The following TRPS1 variants were observed in gnomAD, a reference collection of about 807,000 sequenced individuals.
The protein encoded by TRPS1 is transcriptional repressor GATA binding 1, also known as zinc finger transcription factor Trps1.
Under a neutral mutation model 101.2 loss-of-function variants are expected in TRPS1, and 6 were observed. The ratio of observed to expected loss-of-function variants is 0.06; its 90% CI spans 0.03 to 0.12. The LOEUF (loss-of-function observed/expected upper bound fraction) is 0.12, where lower values mean the gene tolerates loss of function less well. Among genes scored for constraint, TRPS1 ranks in the 10% least tolerant of loss-of-function variants. The pLI is 1.00. For synonymous variants in TRPS1, 578 were observed against 589.8 expected (o/e 0.98, Z 0.29); for missense variants, 1,363 against 1,567.0 (o/e 0.87, Z 2.20).
At chr8:115,549,756 G>T (rs1392247491) in intron 5 of TRPS1, among the ~76,000 whole-genome samples, 1 of 151,034 alleles carries the variant, frequency 6.6e-6, no homozygotes, top group Non-Finnish European at 1.5e-5. Flanking sequence ...GAGTAAATTA[G>T]AGTTTTACTG....
chr8:115,501,980 A>C (rs1815330394), intron 5 of TRPS1, among the ~76,000 whole-genome samples: 2 of 151,842 alleles, frequency 1.3e-5, no homozygotes, highest in Non-Finnish European at 2.9e-5. Flanking sequence ...CCTGCTTGAC[A>C]TTTTCCATGA....
At chr8:115,461,904 C>A (rs1360359413) in intron 5 of TRPS1, among the ~76,000 whole-genome samples, 2 of 151,972 alleles carry the variant, frequency 1.3e-5, no homozygotes, top group Admixed American at 1.3e-4. Context: ...AAAGTAAAAT[C>A]TAACAAATTC....
At chr8:115,550,646 G>C (rs1012644773) in intron 5 of TRPS1, among the ~76,000 whole-genome samples, 1 of 152,220 alleles carries the variant, frequency 6.6e-6, no homozygotes, top group Non-Finnish European at 1.5e-5. Flanking sequence ...CAAGCCAGGA[G>C]AGGACCTATC....
At chr8:115,473,220 C>T (rs1161596237) in intron 5 of TRPS1, among the ~76,000 whole-genome samples, 1 of 152,218 alleles carries the variant, frequency 6.6e-6, no homozygotes, top group Non-Finnish European at 1.5e-5. Context: ...CATAGTTCCA[C>T]ATGGCTGGGA....
At chr8:115,582,852 A>G (rs1438803591) in intron 5 of TRPS1, among the ~76,000 whole-genome samples, 1 of 152,218 alleles carries the variant, frequency 6.6e-6, no homozygotes, top group Non-Finnish European at 1.5e-5. Context: ...TAGCTGCAAG[A>G]AAAAAGTGCT....
At position 115,604,816 on chromosome 8, in the gene TRPS1, C is replaced by T. The variant is rs779974889; in HGVS notation, c.1153G>A (p.Ala385Thr). Residue 385 changes from alanine to threonine, a missense_variant, in exon 4 of 7, where the codon GCA becomes ACA. Ala to Thr is a moderately conservative substitution (Grantham distance 58). This residue lies in a region of TRPS1 where 1,020 missense variants were observed against 1,073.0 expected (regional missense o/e 0.95). Transcript: ENST00000395715. The surrounding 1 kb of genome is among the most constrained non-coding windows in gnomAD (Gnocchi z 4.1). ...TTAGAGTTTTTCTCTGAAGGTTTTGCAACCTCAGAGGAGGGGAGAGAAGCT... is the reference window on the plus strand; with the variant it reads ...TTAGAGTTTTTCTCTGAAGGTTTTGTAACCTCAGAGGAGGGGAGAGAAGCT... ...IKASLPSSEV[A>T]KPSEKNSNKS... The T allele has an allele frequency of 1.9e-6, 3 of 1,614,008 alleles. No individual in the cohort carries two copies. The highest frequency in any genetic ancestry group is 2.5e-6 in the Non-Finnish European group (3 of 1,179,972).
intron 5 of TRPS1, among the ~76,000 whole-genome samples, chr8:115,442,787 C>G (rs1453524306): frequency 6.6e-6 from 1 of 151,400 alleles, no homozygotes. Context: ...CATGGTGAAA[C>G]CCTGTCTCTA....
At chr8:115,583,848 T>C (rs942080405) in intron 5 of TRPS1, among the ~76,000 whole-genome samples, 7 of 151,946 alleles carry the variant, frequency 4.6e-5, no homozygotes, top group Admixed American at 2.0e-4. Context: ...AAAATATACA[T>C]AAATGATATC....
chr8:115,455,633 C>T (rs2129946621), intron 5 of TRPS1, among the ~76,000 whole-genome samples: 1 of 152,246 alleles, frequency 6.6e-6, no homozygotes, highest in South Asian at 2.1e-4. Flanking sequence ...GATTTTGAAA[C>T]AGAGCTGAAA....
At chr8:115,457,001 A>G (rs1012539636) in intron 5 of TRPS1, among the ~76,000 whole-genome samples, 2 of 152,324 alleles carry the variant, frequency 1.3e-5, no homozygotes, top group Admixed American at 6.5e-5. Flanking sequence ...TGAGCTAAGG[A>G]CAGGGCAGGG....
At chr8:115,478,287 G>A (rs1033154820) in intron 5 of TRPS1, among the ~76,000 whole-genome samples, 2 of 151,992 alleles carry the variant, frequency 1.3e-5, no homozygotes, top group East Asian at 3.9e-4. Context: ...TATGCTTATC[G>A]GAGATACGTA....
Position 115,414,077 on chromosome 8 carries a change from C to G in TRPS1, c.3831G>C (p.Arg1277Ser), listed in dbSNP as rs1201389731. ...CTTGTGCATTGTTCCTATGCAGGCC[C>G]CTCTGGATATGTGTTGTGAAGTCAT... Reference protein sequence around the residue: ...DKYDFTTHIQRGLHRNNAQVE... With the variant: ...DKYDFTTHIQSGLHRNNAQVE... The change falls in exon 7 of 7, where the codon AGG (arginine) becomes AGC (serine). Residue 1277 changes from arginine to serine, a missense_variant. Physicochemically the swap from Arg to Ser is moderately radical, Grantham distance 110. Around this residue, in one of 5 missense-constraint regions of TRPS1, gnomAD observed 307 missense variants for 392.4 expected, o/e 0.78. Coordinates refer to ENST00000395715, the MANE Select transcript of TRPS1 (RefSeq NM_014112.5). The surrounding 1 kb of genome is among the most constrained non-coding windows in gnomAD (Gnocchi z 4.8). 1.2e-6 allele frequency: 2 copies of G among 1,613,796 alleles called. No individual in the cohort carries two copies. The highest frequency in any genetic ancestry group is 3.3e-5 in the Admixed American group (2 of 59,990).
intron 5 of TRPS1, among the ~76,000 whole-genome samples, chr8:115,461,251 G>GGATA (rs67435707): frequency 0.015 from 2,225 of 144,690 alleles, 36 homozygotes; most frequent in Non-Finnish European, 0.021. Context: ...AAATAGACAA[G>GGATA]GATAGATAGA....
intron 5 of TRPS1, among the ~76,000 whole-genome samples, chr8:115,547,723 C>A (rs866945960): frequency 2.0e-4 from 31 of 152,222 alleles, no homozygotes; most frequent in African/African-American, 6.0e-4. Flanking sequence ...CCTTTCACTC[C>A]CGAAGAGTAG....
chr8:115,623,009 CATTGAA>C (rs1818430870), intron 2 of TRPS1, among the ~76,000 whole-genome samples: 1 of 152,086 alleles, frequency 6.6e-6, no homozygotes. Flanking sequence ...TTTATTGTTA[CATTGAA>C]GAGATATAAT....
chr8:115,429,215 G>A (rs935634066), intron 5 of TRPS1, among the ~76,000 whole-genome samples: 1 of 152,080 alleles, frequency 6.6e-6, no homozygotes, highest in African/African-American at 2.4e-5. Context: ...AATAGCTCAC[G>A]TACACGACTT....
chr8:115,449,420 T>C (rs1007670962), intron 5 of TRPS1, among the ~76,000 whole-genome samples: 1 of 152,228 alleles, frequency 6.6e-6, no homozygotes, highest in Non-Finnish European at 1.5e-5. Flanking sequence ...AACAGTCCAT[T>C]CAGCGTGACT....
chr8:115,521,625 T>C (rs1241629847), intron 5 of TRPS1, among the ~76,000 whole-genome samples: 1 of 151,862 alleles, frequency 6.6e-6, no homozygotes, highest in Non-Finnish European at 1.5e-5. Flanking sequence ...CTTTGAGAAG[T>C]TAATAATCAC....
intron 1 of TRPS1, among the ~76,000 whole-genome samples, chr8:115,654,168 A>G (rs1474926505): frequency 2.0e-5 from 3 of 152,216 alleles, no homozygotes; most frequent in African/African-American, 7.2e-5. Context: ...AATTAGCTTA[A>G]CTATAATCAA....
Sources: allele counts gnomAD v4.1 joint callset (sites outside exome capture counted in the v4.1 genomes callset), GRCh38; gene constraint gnomAD v4.1.1; regional missense constraint gnomAD v4.1.1; non-coding constraint Gnocchi (gnomAD v3.1); transcripts MANE v1.5; gene names NCBI Gene and HGNC (gene_info 2026-07-23, HGNC 2026-07-21).